MRPL20: variants seen among roughly 807,000 people sequenced by gnomAD.
MRPL20 encodes the protein mitochondrial ribosomal protein L20, also known as large ribosomal subunit protein bL20m.
In MRPL20, 21 loss-of-function variants were observed where a neutral mutation model predicts 20.0. That is an observed-to-expected ratio of 1.05 (90% CI 0.74 to 1.51). The LOEUF is 1.51. Among genes scored for constraint, MRPL20 ranks in the 40% most tolerant of loss-of-function variants. MRPL20 has a pLI of 0.00. For missense variants in MRPL20, 252 were observed against 185.6 expected (o/e 1.36, Z -2.08); for synonymous variants, 104 against 73.0 (o/e 1.43, Z -2.17).
intron 3 of MRPL20, 131 bp downstream of exon 3, chr1:1,405,678 A>G: frequency 1.3e-6 from 2 of 1,495,324 alleles, no homozygotes; most frequent in Non-Finnish European, 1.9e-6. Flanking sequence ...TACAGCCCAG[A>G]AGTCAGTCTC....
chr1:1,406,748 C>T (rs949127089), intron 2 of MRPL20, 161 bp downstream of exon 2: 49 of 678,352 alleles, frequency 7.2e-5, no homozygotes, highest in Admixed American at 2.2e-5. Flanking sequence ...GGATGTCCCA[C>T]AGTTTGCCTG....
rs1458476844 is a variant in MRPL20 at position 1,405,898 on chromosome 1, A to G, written c.199-12T>C. On this transcript the variant is annotated splice_polypyrimidine_tract_variant and intron_variant, in intron 2 of 3. Coordinates refer to ENST00000344843, the MANE Select transcript of MRPL20 (RefSeq NM_017971.4). ...CGATTAATCCAGAGCTGAAATAAGA[A>G]AACATGAAGATACTTAAAAATGACT... The G allele has an allele frequency of 6.2e-7, 1 of 1,602,982 alleles. No individual in the cohort carries two copies. Among genetic ancestry groups the G allele is most frequent in the Non-Finnish European group, 8.5e-7 (1 of 1,172,000 alleles).
At chr1:1,405,325 G>A (rs1462896558) in intron 3 of MRPL20, 2 of 375,444 alleles carry the variant, frequency 5.3e-6, no homozygotes, top group Non-Finnish European at 9.8e-6. Context: ...CTAGGCTAGA[G>A]TGCAGTGGTA....
chr1:1,401,909 T>C lies in MRPL20; in HGVS notation c.*174A>G, dbSNP rs904819548. ...GATACCAGAAAATGACTCTAAAAACTGAAGAGTGTTTGAGTTTCATTCACA... is the reference window on the plus strand; with the variant it reads ...GATACCAGAAAATGACTCTAAAAACCGAAGAGTGTTTGAGTTTCATTCACA... On this transcript the variant is annotated 3_prime_UTR_variant, in exon 4 of 4. Coordinates refer to ENST00000344843, the MANE Select transcript of MRPL20 (RefSeq NM_017971.4). 6.6e-6 allele frequency: 5 copies of C among 758,360 alleles called. No homozygotes were observed. Among genetic ancestry groups the C allele is most frequent in the Admixed American group, 6.1e-5 (2 of 32,668 alleles). 47.0% of individuals were successfully genotyped at this position (758,360 alleles called of 1,614,324 possible).
In MRPL20 at chr1:1,402,266, G is replaced by A. The variant is rs748990590; in HGVS notation, c.277-10C>T. ...TGAGCTCCACCTGGCACTGAAAAAA[G>A]AATGAATCAGAACCTGCTGTCAGTG... On this transcript the variant is annotated splice_polypyrimidine_tract_variant and intron_variant, in intron 3 of 3. Coordinates refer to ENST00000344843, the MANE Select transcript of MRPL20 (RefSeq NM_017971.4). 1.9e-6 allele frequency: 3 copies of A among 1,602,334 alleles called. No individual in the cohort carries two copies. The African/African-American group carries it at 4.0e-5, about 22-fold the overall frequency.
Position 1,403,541 on chromosome 1 carries a change from C to T in MRPL20, c.277-1285G>A, listed in dbSNP as rs996304451. Among the ~76,000 whole-genome samples the T allele has an allele frequency of 8.5e-5, 13 of 152,086 alleles. No individual in the cohort carries two copies. In the South Asian group the frequency reaches 2.5e-3, roughly 29 times the overall value. The stretch of plus-strand genomic sequence containing the variant: ...ACAGGCGTGAGCCACCGTGCCCGGC[C>T]AAGTATGTCTCCTTTCTTAACTACA... On this transcript the variant is annotated intron_variant, in intron 3 of 3. Coordinates refer to ENST00000344843, the MANE Select transcript of MRPL20 (RefSeq NM_017971.4).
intron 2 of MRPL20, 158 bp downstream of exon 2, chr1:1,406,751 T>G (rs1047045304): frequency 1.7e-4 from 118 of 682,562 alleles, no homozygotes; most frequent in Middle Eastern, 1.2e-3. Context: ...TGTCCCACAG[T>G]TTGCCTGCGG....
chr1:1,402,804 G>C (rs1645345704), intron 3 of MRPL20, among the ~76,000 whole-genome samples: 1 of 152,094 alleles, frequency 6.6e-6, no homozygotes, highest in Non-Finnish European at 1.5e-5. Flanking sequence ...CCAACATGGA[G>C]AAACCCTGTC....
In MRPL20 at chr1:1,402,099, A is replaced by G. The variant is rs1418349141; in HGVS notation, c.434T>C (p.Val145Ala). The G allele has an allele frequency of 6.2e-7, 1 of 1,613,846 alleles. No individual in the cohort carries two copies. Among genetic ancestry groups the G allele is most frequent in the Non-Finnish European group, 8.5e-7 (1 of 1,179,922 alleles). ...GKEPEGIFSRVVQYH is the reference protein window; with the variant it reads ...GKEPEGIFSRAVQYH ...CAACAGTCCTCAGTGGTACTGCACC[A>G]CTCTGGAAAAAATGCCTTCAGGTTC... is the stretch of plus-strand genomic sequence containing the variant. The change falls in exon 4 of 4, where the codon GTG becomes GCG. Residue 145 changes from valine (V) to alanine (A), a missense_variant. By Grantham distance (64) the Val-to-Ala change is moderately conservative (BLOSUM62 0). Coordinates refer to ENST00000344843, the MANE Select transcript of MRPL20 (RefSeq NM_017971.4).
At chr1:1,404,453 C>T (rs372535011) in intron 3 of MRPL20, among the ~76,000 whole-genome samples, 1 of 151,618 alleles carries the variant, frequency 6.6e-6, no homozygotes, top group African/African-American at 2.4e-5. Flanking sequence ...CGCGCCTGGC[C>T]TGTTTAAACT....
At chr1:1,406,685 G>A in intron 2 of MRPL20, 1 of 572,960 alleles carries the variant, frequency 1.7e-6, no homozygotes, top group East Asian at 3.0e-5. Flanking sequence ...AGTGGCCCGG[G>A]CGAGGGGCTG....
rs1317305615 is a variant in MRPL20, at chr1:1,401,992, GTC to G, written c.*89_*90del. On this transcript the variant is annotated 3_prime_UTR_variant, in exon 4 of 4. Coordinates refer to ENST00000344843, the MANE Select transcript of MRPL20 (RefSeq NM_017971.4). ...CCAGAGAGACAGGGCCATCCCTCAT[GTC>G]TGTTATTGGGTTGTAGATAAACAAA... The G allele has an allele frequency of 2.8e-6, 4 of 1,407,724 alleles. No homozygotes were observed. The highest frequency in any genetic ancestry group is 2.9e-5 in the African/African-American group (2 of 69,702). 87.2% of individuals were successfully genotyped at this position (1,407,724 alleles called of 1,614,324 possible). A position where few individuals can be genotyped will look rare whatever the true frequency, so the allele number is the denominator to read the frequency against.
At position 1,406,786 on chromosome 1, in the gene MRPL20, G is replaced by A. The variant is rs1255892303; in HGVS notation, c.198+123C>T. 6.0e-6 allele frequency: 5 copies of A among 836,700 alleles called. No homozygotes were observed. In the East Asian group the frequency reaches 7.3e-5, roughly 12 times the overall value. The allele number at this position is 836,700 out of a possible 1,614,324, so 51.8% of individuals were successfully genotyped here. On this transcript the variant is annotated intron_variant, in intron 2 of 3. Coordinates refer to ENST00000344843, the MANE Select transcript of MRPL20 (RefSeq NM_017971.4). ...GGGCGACATAATTTGTCGGAGTTTC[G>A]AAGCAAGGTATGAAAGGAAGGGGCT...
rs1325749842 is a variant in MRPL20, at chr1:1,402,262, AAAAG to A, written c.277-10_277-7del. The A allele has an allele frequency of 2.5e-6, 4 of 1,604,618 alleles. No individual in the cohort carries two copies. Among genetic ancestry groups the A allele is most frequent in the Non-Finnish European group, 3.4e-6 (4 of 1,175,762 alleles). ...CTGTTGAGCTCCACCTGGCACTGAAAAAAGAATGAATCAGAACCTGCTGTCAGTG... is the reference window on the plus strand; with the variant it reads ...CTGTTGAGCTCCACCTGGCACTGAAAAATGAATCAGAACCTGCTGTCAGTG... On this transcript the variant is annotated splice_region_variant and splice_polypyrimidine_tract_variant and intron_variant, in intron 3 of 3. Coordinates refer to ENST00000344843, the MANE Select transcript of MRPL20 (RefSeq NM_017971.4).
At position 1,407,182 on chromosome 1, in the gene MRPL20, A is replaced by C. The variant is rs958704334; in HGVS notation, c.36T>G (p.Asn12Lys). 6.2e-7 allele frequency: 1 copy of C among 1,607,122 alleles called. No individual in the cohort carries two copies. The highest frequency in any genetic ancestry group is 8.5e-7 in the Non-Finnish European group (1 of 1,177,194). ...VFLTAQLWLRNRVTDRYFRIQ... is the reference protein window; with the variant it reads ...VFLTAQLWLRKRVTDRYFRIQ... ...TCCGAAAGTAGCGGTCGGTGACGCGATTCCGCAGCCAGAGCTGCGCGGTGA... is the reference window on the plus strand; with the variant it reads ...TCCGAAAGTAGCGGTCGGTGACGCGCTTCCGCAGCCAGAGCTGCGCGGTGA... The change falls in exon 1 of 4, where the codon AAT becomes AAG. Residue 12 changes from asparagine to lysine, a missense_variant. Physicochemically the swap from Asn to Lys is moderately conservative, Grantham distance 94. Transcript: ENST00000344843.
At chr1:1,406,823 G>T in intron 2 of MRPL20, 86 bp downstream of exon 2, 1 of 1,151,632 alleles carries the variant, frequency 8.7e-7, no homozygotes, top group Non-Finnish European at 1.3e-6. Context: ...AGGGTGGCCG[G>T]GCGGCTGCAC....
rs769564895 is a variant in MRPL20 at position 1,402,190 on chromosome 1, A to G, written c.343T>C (p.Ser115Pro). Residue 115 changes from serine (S) to proline (P), a missense_variant, in exon 4 of 4, where the codon TCT becomes CCT. By Grantham distance (74) the Ser-to-Pro change is moderately conservative (BLOSUM62 -1). Transcript: ENST00000344843. ...CTCCTACTGGCCAAGGCAGCCAAAGATTTGAAAGTCTTTGGCTCGTAGATG... is the reference window on the plus strand; with the variant it reads ...CTCCTACTGGCCAAGGCAGCCAAAGGTTTGAAAGTCTTTGGCTCGTAGATG... ...LAIYEPKTFK[S>P]LAALASRRRH... The G allele has an allele frequency of 5.0e-6, 8 of 1,613,898 alleles. No homozygotes were observed. In the South Asian group the frequency reaches 8.8e-5, roughly 18 times the overall value.
At chr1:1,406,114 G>A in intron 2 of MRPL20, 1 of 510,968 alleles carries the variant, frequency 2.0e-6, no homozygotes, top group Non-Finnish European at 3.4e-6. Flanking sequence ...CCAGCACTTT[G>A]GGAGGGCAAG....
chr1:1,406,973 G>A lies in MRPL20; in HGVS notation c.134C>T (p.Thr45Ile), dbSNP rs1557751883. ...GCATTTCACAAAGGCTCGAATCACG[G>A]TTCTGACCGCCAACCTGTAGCAGCG... Reference protein sequence around the residue: ...KNRCYRLAVRTVIRAFVKCTK... With the variant: ...KNRCYRLAVRIVIRAFVKCTK... Residue 45 changes from threonine (T) to isoleucine (I), a missense_variant, in exon 2 of 4, where the codon ACC becomes ATC. Coordinates refer to ENST00000344843, the MANE Select transcript of MRPL20 (RefSeq NM_017971.4). 18 of 1,613,898 alleles carry A rather than the reference G, an allele frequency of 1.1e-5. No homozygotes were observed. Among genetic ancestry groups the A allele is most frequent in the Non-Finnish European group, 1.5e-5 (18 of 1,179,796 alleles).
Sources: allele counts gnomAD v4.1 joint callset (sites outside exome capture counted in the v4.1 genomes callset), GRCh38; gene constraint gnomAD v4.1.1; transcripts MANE v1.5; gene names NCBI Gene and HGNC (gene_info 2026-07-23, HGNC 2026-07-21).